The following MYCBP2 variants were observed in gnomAD, a reference collection of about 807,000 sequenced individuals.
MYCBP2 encodes E3 ubiquitin-protein ligase MYCBP2.
A neutral mutation model predicts 525.3 loss-of-function variants in MYCBP2; 120 were observed. The ratio of observed to expected loss-of-function variants is 0.23; its 90% CI spans 0.20 to 0.27. The LOEUF is 0.27. Among genes scored for constraint, MYCBP2 ranks in the 10% least tolerant of loss-of-function variants. The probability of loss-of-function intolerance (pLI) is 1.00; values close to 1 mark genes in which losing one functional copy is unlikely to be tolerated. For synonymous variants in MYCBP2, 1,894 were observed against 1,955.8 expected (o/e 0.97, Z 0.83); for missense variants, 4,149 against 5,657.1 (o/e 0.73, Z 8.55).
intron 49 of MYCBP2, 134 bp from the exon 50 acceptor site, chr13:77,141,077 A>G: frequency 1.6e-6 from 1 of 623,100 alleles, no homozygotes; most frequent in Non-Finnish European, 2.7e-6. Context: ...TTTTAAGGTG[A>G]TGGATATTTA....
intron 1 of MYCBP2, among the ~76,000 whole-genome samples, chr13:77,314,926 A>T (rs1056644936): frequency 1.3e-5 from 2 of 152,062 alleles, no homozygotes; most frequent in Non-Finnish European, 2.9e-5. Flanking sequence ...AACTGCTCTT[A>T]AAAAAATATT....
chr13:77,230,442 A>C (rs1230391931), intron 18 of MYCBP2, among the ~76,000 whole-genome samples: 1 of 152,220 alleles, frequency 6.6e-6, no homozygotes, highest in Admixed American at 6.5e-5. Flanking sequence ...GAAAATATGT[A>C]CAGGTTGAGC....
At chr13:77,173,749 T>G (rs2059358499) in intron 37 of MYCBP2, among the ~76,000 whole-genome samples, 1 of 152,228 alleles carries the variant, frequency 6.6e-6, no homozygotes, top group African/African-American at 2.4e-5. Context: ...TGAGAAATGT[T>G]TATTTAAAAG....
intron 20 of MYCBP2, among the ~76,000 whole-genome samples, chr13:77,220,776 A>G (rs982165192): frequency 3.3e-5 from 5 of 152,162 alleles, no homozygotes; most frequent in Non-Finnish European, 7.3e-5. Flanking sequence ...CTTGGTTGCT[A>G]CTTTCCAAGT....
Position 77,168,287 on chromosome 13 carries a change from C to T in MYCBP2, c.6114+141G>A, listed in dbSNP as rs1285324340. The T allele has an allele frequency of 7.9e-6, 5 of 633,790 alleles. No individual in the cohort carries two copies. The East Asian group carries it at 1.1e-4, about 14-fold the overall frequency. 39.3% of individuals were successfully genotyped at this position (633,790 alleles called of 1,614,324 possible). A position where few individuals can be genotyped will look rare whatever the true frequency, so the allele number is the denominator to read the frequency against. ...AATTATTTTATATATCCAACAGTGC[C>T]TAATCACCTGCTGATTCTCTATATG... is the stretch of plus-strand genomic sequence containing the variant. On this transcript the variant is annotated intron_variant, in intron 40 of 82. Coordinates refer to ENST00000544440, the MANE Select transcript of MYCBP2 (RefSeq NM_015057.5).
At chr13:77,204,252 C>T (rs1381254291) in intron 26 of MYCBP2, among the ~76,000 whole-genome samples, 3 of 152,032 alleles carry the variant, frequency 2.0e-5, no homozygotes, top group Non-Finnish European at 4.4e-5. Flanking sequence ...TGAACAGACA[C>T]TTCTCAAAAG....
At position 77,126,523 on chromosome 13, in the gene MYCBP2, T is replaced by C. The variant is rs778791362; in HGVS notation, c.7679A>G (p.Asp2560Gly). The C allele has an allele frequency of 4.3e-6, 7 of 1,613,182 alleles. No individual in the cohort carries two copies. In the Admixed American group the frequency reaches 1.0e-4, roughly 23 times the overall value. ...VPVDESKTNT[D>G]DFFKDINSCC... ...GGAGTTTATGTCTTTGAAAAAGTCA[T>C]CAGTATTAGTTTTAGATTCCTGAAA... The change falls in exon 53 of 83, where the codon GAT (aspartate) becomes GGT (glycine). Residue 2560 changes from aspartate (D) to glycine (G), a missense_variant. Physicochemically the swap from Asp to Gly is moderately conservative, Grantham distance 94. This residue lies in a region of MYCBP2 where 692 missense variants were observed against 852.7 expected (regional missense o/e 0.81). Coordinates refer to ENST00000544440, the MANE Select transcript of MYCBP2 (RefSeq NM_015057.5).
intron 52 of MYCBP2, among the ~76,000 whole-genome samples, chr13:77,138,427 G>A (rs1291283913): frequency 3.3e-5 from 5 of 152,124 alleles, no homozygotes; most frequent in East Asian, 1.9e-4. Context: ...CTTTATAAAC[G>A]GATTTTTAAG....
chr13:77,140,973 T>G, intron 49 of MYCBP2, 30 bp from the exon 50 acceptor site: 1 of 1,498,378 alleles, frequency 6.7e-7, no homozygotes, highest in Non-Finnish European at 9.1e-7. Flanking sequence ...ACTGTAACAT[T>G]TGAGAAAAAA....
intron 27 of MYCBP2, among the ~76,000 whole-genome samples, chr13:77,192,623 A>C (rs2061392035): frequency 6.6e-6 from 1 of 152,190 alleles, no homozygotes; most frequent in South Asian, 2.1e-4. Context: ...GGAAATGACA[A>C]GGTGTTCATT....
At chr13:77,299,361 T>C (rs184657957) in intron 1 of MYCBP2, among the ~76,000 whole-genome samples, 2 of 152,316 alleles carry the variant, frequency 1.3e-5, no homozygotes, top group East Asian at 1.9e-4. Context: ...CTTATGAATC[T>C]GAACCCATCA....
chr13:77,090,159 A>G lies in MYCBP2; in HGVS notation c.10472T>C (p.Leu3491Ser). 6.2e-7 allele frequency: 1 copy of G among 1,612,724 alleles called. No homozygotes were observed. Among genetic ancestry groups the G allele is most frequent in the Admixed American group, 1.7e-5 (1 of 59,924 alleles). ...ASEYDKQHSILPARVKAIPRR... is the reference protein window; with the variant it reads ...ASEYDKQHSISPARVKAIPRR... ...AGGAATAGCTTTAACTCGTGCAGGT[A>G]AAATGGAGTGTTGTTTATCATATTC... Residue 3491 changes from leucine to serine, a missense_variant, in exon 60 of 83, where the codon TTA becomes TCA. Transcript: ENST00000544440.
intron 80 of MYCBP2, among the ~76,000 whole-genome samples, chr13:77,055,132 TA>T (rs11346823): frequency 0.038 from 4,204 of 109,210 alleles, 194 homozygotes; most frequent in African/African-American, 0.1. Flanking sequence ...AGGGGTAGGT[TA>T]AAAAAAAAAA....
intron 1 of MYCBP2, among the ~76,000 whole-genome samples, chr13:77,298,898 C>T (rs2078477963): frequency 6.6e-6 from 1 of 152,312 alleles, no homozygotes; most frequent in East Asian, 1.9e-4. Flanking sequence ...TGATGAATGT[C>T]TATTTCAACT....
chr13:77,169,687 G>A lies in MYCBP2; in HGVS notation c.5822C>T (p.Ser1941Phe). ...DADDIPELLS[S>F]SSLFSMLLPL... ...GAGCAGCATGGAAAACAGACTGGAA[G>A]AACTCAGCAGTTCTGGAATGTCATC... Residue 1941 changes from serine to phenylalanine, a missense_variant, in exon 39 of 83, where the codon TCT becomes TTT. Coordinates refer to ENST00000544440, the MANE Select transcript of MYCBP2 (RefSeq NM_015057.5). 6.2e-7 allele frequency: 1 copy of A among 1,613,926 alleles called. No homozygotes were observed. The highest frequency in any genetic ancestry group is 8.5e-7 in the Non-Finnish European group (1 of 1,179,962).
chr13:77,069,584 A>G (rs1451033006), intron 69 of MYCBP2, among the ~76,000 whole-genome samples: 1 of 149,914 alleles, frequency 6.7e-6, no homozygotes, highest in East Asian at 2.0e-4. Context: ...CTAAAAATAC[A>G]AAAATATTAT....
At chr13:77,049,828 G>T (rs1268098904) in intron 82 of MYCBP2, among the ~76,000 whole-genome samples, 1 of 152,080 alleles carries the variant, frequency 6.6e-6, no homozygotes, top group Admixed American at 6.5e-5. Flanking sequence ...TAGAGATGGG[G>T]TTTCACCATG....
At chr13:77,236,716 CACT>C (rs1239589049) in intron 17 of MYCBP2, among the ~76,000 whole-genome samples, 4 of 151,792 alleles carry the variant, frequency 2.6e-5, no homozygotes, top group South Asian at 2.1e-4. Flanking sequence ...CATTGTTCAC[CACT>C]GTTTTCCAAG....
chr13:77,123,066 G>A (rs563571596), intron 54 of MYCBP2, among the ~76,000 whole-genome samples: 2 of 152,106 alleles, frequency 1.3e-5, no homozygotes, highest in East Asian at 1.9e-4. Flanking sequence ...GACCAATAGA[G>A]AATTTTTACA....
Sources: allele counts gnomAD v4.1 joint callset (sites outside exome capture counted in the v4.1 genomes callset), GRCh38; gene constraint gnomAD v4.1.1; regional missense constraint gnomAD v4.1.1; transcripts MANE v1.5; gene names NCBI Gene and HGNC (gene_info 2026-07-23, HGNC 2026-07-21).